The following PPP2R2C variants were observed in gnomAD, a reference collection of about 807,000 sequenced individuals.
The protein encoded by PPP2R2C is protein phosphatase 2 regulatory subunit Bgamma.
PPP2R2C carries 10 observed loss-of-function variants against 45.3 expected under a neutral mutation model. That is an observed-to-expected ratio of 0.22 (90% CI 0.14 to 0.37). PPP2R2C has a LOEUF of 0.37. PPP2R2C is among the 10% of genes least tolerant of loss of function. The probability of loss-of-function intolerance (pLI) is 1.00; values close to 1 mark genes in which losing one functional copy is unlikely to be tolerated. For synonymous variants in PPP2R2C, 257 were observed against 245.4 expected (o/e 1.05, Z -0.44); for missense variants, 308 against 619.7 (o/e 0.50, Z 5.34).
intron 1 of PPP2R2C, among the ~76,000 whole-genome samples, chr4:6,388,803 A>G (rs1240984760): frequency 2.6e-5 from 4 of 152,104 alleles, no homozygotes; most frequent in African/African-American, 9.7e-5. Context: ...CAGCATCGTG[A>G]TTGCAGACTT....
intron 6 of PPP2R2C, among the ~76,000 whole-genome samples, chr4:6,336,187 C>G (rs1308290817): frequency 1.3e-5 from 2 of 152,082 alleles, no homozygotes; most frequent in African/African-American, 4.8e-5. Context: ...GCCTCCCTTT[C>G]CAGGAGCCCA....
intron 1 of PPP2R2C, among the ~76,000 whole-genome samples, chr4:6,539,149 AAGAG>A (rs71999244): frequency 5.3e-5 from 8 of 150,768 alleles, no homozygotes; most frequent in African/African-American, 7.3e-5. Context: ...AAAAAAAAAA[AAGAG>A]AGAGAGGGCG....
At chr4:6,539,341 G>A (rs1360685773) in intron 1 of PPP2R2C, among the ~76,000 whole-genome samples, 1 of 152,106 alleles carries the variant, frequency 6.6e-6, no homozygotes, top group Non-Finnish European at 1.5e-5. Flanking sequence ...CACCAGCCCT[G>A]CCCACACTGT....
At chr4:6,418,841 G>A (rs1025732203) in intron 1 of PPP2R2C, among the ~76,000 whole-genome samples, 4 of 152,218 alleles carry the variant, frequency 2.6e-5, no homozygotes, top group East Asian at 3.9e-4. Flanking sequence ...AATCTCCCCC[G>A]AGCTCGGCCT....
chr4:6,448,114 T>C (rs937040711), intron 1 of PPP2R2C, among the ~76,000 whole-genome samples: 11 of 152,106 alleles, frequency 7.2e-5, no homozygotes, highest in African/African-American at 2.7e-4. Flanking sequence ...AGAGACCACC[T>C]GAGGGCGAGA....
chr4:6,370,447 G>A (rs939901053), intron 5 of PPP2R2C, among the ~76,000 whole-genome samples: 3 of 152,212 alleles, frequency 2.0e-5, no homozygotes, highest in African/African-American at 7.2e-5. Flanking sequence ...CCCACATCCA[G>A]GGGTTGGGGG....
At chr4:6,514,196 T>G (rs1408095155) in intron 2 of PPP2R2C, among the ~76,000 whole-genome samples, 1 of 152,248 alleles carries the variant, frequency 6.6e-6, no homozygotes, top group East Asian at 1.9e-4. Context: ...GACAATGTTG[T>G]GCAACCAATC....
intron 1 of PPP2R2C, among the ~76,000 whole-genome samples, chr4:6,456,122 C>T (rs1212629406): frequency 3.3e-5 from 5 of 152,202 alleles, no homozygotes; most frequent in African/African-American, 1.2e-4. Context: ...ATACCTACAT[C>T]GTGAAGTATT....
At chr4:6,412,361 G>A (rs890431919) in intron 1 of PPP2R2C, among the ~76,000 whole-genome samples, 2 of 152,112 alleles carry the variant, frequency 1.3e-5, no homozygotes, top group African/African-American at 2.4e-5. Flanking sequence ...CCCAGGGGAG[G>A]AGCCCCTGCC....
chr4:6,533,762 G>A (rs1724485127), intron 2 of PPP2R2C, among the ~76,000 whole-genome samples: 1 of 152,114 alleles, frequency 6.6e-6, no homozygotes, highest in South Asian at 2.1e-4. Flanking sequence ...ACACTCTAAT[G>A]TCCAACACAG....
chr4:6,395,112 A>G (rs1381709125), intron 1 of PPP2R2C, among the ~76,000 whole-genome samples: 3 of 152,110 alleles, frequency 2.0e-5, no homozygotes, highest in Non-Finnish European at 4.4e-5. Context: ...CCCAGCAGCC[A>G]GAAGGACTTT....
At chr4:6,407,426 C>T (rs1464298503) in intron 1 of PPP2R2C, among the ~76,000 whole-genome samples, 1 of 152,196 alleles carries the variant, frequency 6.6e-6, no homozygotes, top group African/African-American at 2.4e-5. Flanking sequence ...GATGGAGTCT[C>T]ACTCTGCTGC....
Position 6,472,182 on chromosome 4 carries a change from C to T in PPP2R2C, c.48G>A (p.Arg16=), listed in dbSNP as rs778115453. ...DTRKINHSFL[R]DHSYVTEADI... ...TACCTTCAGTCACATAGCTGTGGTC[C>T]CGCAGGAAGCTGTGGTTAATTTTCC... The change falls in exon 1 of 9, where the codon CGG becomes CGA. Residue 16 remains arginine, a synonymous_variant. Transcript: ENST00000382599. 1 of 1,613,554 alleles carries T rather than the reference C, an allele frequency of 6.2e-7. No homozygotes were observed.
intron 1 of PPP2R2C, among the ~76,000 whole-genome samples, chr4:6,420,765 A>G (rs1718905641): frequency 6.6e-6 from 1 of 152,200 alleles, no homozygotes; most frequent in African/African-American, 2.4e-5. Context: ...CAATGGAGCC[A>G]TAGAGTTGGA....
rs544835061 is a variant in PPP2R2C at position 6,519,439 on chromosome 4, G to A, written c.49+15832C>T. Among the ~76,000 whole-genome samples, 16 of 152,218 alleles carry A rather than the reference G, an allele frequency of 1.1e-4. No individual in the cohort carries two copies. The East Asian group carries it at 1.2e-3, about 11-fold the overall frequency. ...CCCTAAAAGTCCACCCAGGCCCCAC[G>A]GGACAGGCCCATGCCTAGCTCCCCA... On this transcript the variant is annotated intron_variant, in intron 2 of 9. Coordinates refer to the PPP2R2C transcript ENST00000506140.
At chr4:6,508,016 G>A (rs1357632153) in intron 2 of PPP2R2C, among the ~76,000 whole-genome samples, 5 of 152,228 alleles carry the variant, frequency 3.3e-5, no homozygotes, top group African/African-American at 7.2e-5. Context: ...ACACATGCCC[G>A]TGGTCTCAGG....
intron 5 of PPP2R2C, among the ~76,000 whole-genome samples, chr4:6,362,894 C>CG (rs34589910): frequency 0.92 from 140,467 of 152,114 alleles, 65,172 homozygotes; most frequent in East Asian, 1. Flanking sequence ...CCCCTTTCCC[C>CG]TTTGACTTTG....
rs960899039 is a variant in PPP2R2C, at chr4:6,345,721, G to C, written c.790+2125C>G. Among the ~76,000 whole-genome samples, 1 of 152,072 alleles carries C rather than the reference G, an allele frequency of 6.6e-6. No homozygotes were observed. Among genetic ancestry groups the C allele is most frequent in the African/African-American group, 2.4e-5 (1 of 41,384 alleles). On this transcript the variant is annotated intron_variant, in intron 6 of 8. Transcript: ENST00000382599. This position sits in a 1 kb window ranked among gnomAD's most constrained non-coding sequence, Gnocchi z 5.3. ...ATTATGGCCAGTGAGCTGGCTGTGG[G>C]ACTGCGGACTGAGACTATACATATG...
chr4:6,424,826 T>C (rs541598231), intron 1 of PPP2R2C, among the ~76,000 whole-genome samples: 1 of 152,292 alleles, frequency 6.6e-6, no homozygotes, highest in East Asian at 1.9e-4. Context: ...GCTCAGAGTC[T>C]ATTTCTTGGA....
Sources: gnomAD v4.1 joint callset for allele counts (sites outside exome capture counted in the v4.1 genomes callset) on GRCh38, gnomAD v4.1.1 for gene constraint, Gnocchi (gnomAD v3.1) non-coding constraint, MANE v1.5 for transcripts, NCBI Gene and HGNC (gene_info 2026-07-23, HGNC 2026-07-21) for gene names.